RECK: variants seen among roughly 807,000 people sequenced by gnomAD.
The protein encoded by RECK is reversion inducing cysteine rich protein with kazal motifs.
In RECK, 69 loss-of-function variants were observed where a neutral mutation model predicts 115.1. That is an observed-to-expected ratio of 0.60 (90% confidence interval 0.49 to 0.73). RECK has a LOEUF of 0.73. RECK is among the 30% of genes least tolerant of loss of function. RECK has a pLI of 0.00. For missense variants in RECK, 1,047 were observed against 1,203.7 expected (o/e 0.87, Z 1.93); for synonymous variants, 414 against 419.7 (o/e 0.99, Z 0.17).
At chr9:36,072,693 G>A (rs759707409) in intron 6 of RECK, 8 of 152,192 alleles carry the variant, frequency 5.3e-5, no homozygotes, top group Non-Finnish European at 8.8e-5. Flanking sequence ...GATTTGAGCC[G>A]TTACCTGCAG....
intron 2 of RECK, among the ~76,000 whole-genome samples, chr9:36,053,645 G>A (rs1444959380): frequency 6.6e-6 from 1 of 152,030 alleles, no homozygotes; most frequent in African/African-American, 2.4e-5. Flanking sequence ...TGCTACTTTG[G>A]GAAACATGAC....
At chr9:36,067,057 C>A (rs1171834923) in intron 6 of RECK, among the ~76,000 whole-genome samples, 1 of 152,086 alleles carries the variant, frequency 6.6e-6, no homozygotes, top group Non-Finnish European at 1.5e-5. Context: ...AATTTGATTT[C>A]TTACATGTTA....
chr9:36,109,576 G>C (rs756296738), intron 14 of RECK, among the ~76,000 whole-genome samples: 2 of 152,238 alleles, frequency 1.3e-5, no homozygotes, highest in Non-Finnish European at 2.9e-5. Flanking sequence ...GGGCACAGTG[G>C]CTCATGCTTG....
intron 10 of RECK, among the ~76,000 whole-genome samples, 188 bp from the exon 11 acceptor site, chr9:36,100,143 A>G (rs1823506245): frequency 6.6e-6 from 1 of 152,222 alleles, no homozygotes; most frequent in South Asian, 2.1e-4. Flanking sequence ...AAAACATGCA[A>G]TCAGAGTTTA....
intron 13 of RECK, among the ~76,000 whole-genome samples, chr9:36,107,126 A>AG (rs1188888592): frequency 7.1e-6 from 1 of 141,556 alleles, no homozygotes; most frequent in Non-Finnish European, 1.5e-5. Flanking sequence ...AAAAAAAAAA[A>AG]GGAATTCAAT....
At position 36,065,643 on chromosome 9, in the gene RECK, A is replaced by C. The variant is rs747506065; in HGVS notation, c.405+19A>C. ...ATATGAGGTATGCATTTTATTTAAC[A>C]AATGTGGATAGCCTATTCAGATGTT... On this transcript the variant is annotated intron_variant, in intron 6 of 20. Transcript: ENST00000377966. 6.5e-7 allele frequency: 1 copy of C among 1,544,600 alleles called. No homozygotes were observed. Among genetic ancestry groups the C allele is most frequent in the Non-Finnish European group, 8.7e-7 (1 of 1,145,264 alleles).
intron 12 of RECK, among the ~76,000 whole-genome samples, chr9:36,104,317 T>TGC (rs1823700278): frequency 1.5e-5 from 1 of 67,782 alleles, no homozygotes; most frequent in East Asian, 4.7e-4. Context: ...TATATATATA[T>TGC]ATATATATAT....
intron 6 of RECK, among the ~76,000 whole-genome samples, chr9:36,073,977 T>C: frequency 6.6e-6 from 1 of 152,052 alleles, no homozygotes; most frequent in East Asian, 1.9e-4. Flanking sequence ...TGGGTGGAGG[T>C]ATTTGCAGCG....
At chr9:36,042,522 GCAAT>G in intron 1 of RECK, among the ~76,000 whole-genome samples, 1 of 150,176 alleles carries the variant, frequency 6.7e-6, no homozygotes, top group South Asian at 2.1e-4. Context: ...CCATATTTTT[GCAAT>G]TGCTAATTGT....
At chr9:36,054,308 A>G (rs1417250217) in intron 2 of RECK, among the ~76,000 whole-genome samples, 1 of 152,180 alleles carries the variant, frequency 6.6e-6, no homozygotes, top group South Asian at 2.1e-4. Context: ...TTGAATTATC[A>G]GTGAAAACCA....
At chr9:36,118,650 C>G in intron 17 of RECK, 107 bp from the exon 18 acceptor site, 3 of 1,056,246 alleles carry the variant, frequency 2.8e-6, no homozygotes, top group Non-Finnish European at 4.1e-6. Flanking sequence ...TAATTTATAC[C>G]TGTGTCTTTT....
chr9:36,074,614 T>G (rs892468519), intron 6 of RECK, among the ~76,000 whole-genome samples: 8 of 152,200 alleles, frequency 5.3e-5, no homozygotes, highest in Admixed American at 4.6e-4. Context: ...AGTACTTTTA[T>G]AGATAGAAAA....
Position 36,122,985 on chromosome 9 carries a change from C to T in RECK, c.2856C>T (p.His952=), listed in dbSNP as rs1157733146. The T allele has an allele frequency of 1.2e-6, 2 of 1,614,140 alleles. No individual in the cohort carries two copies. Among genetic ancestry groups the T allele is most frequent in the Non-Finnish European group, 8.5e-7 (1 of 1,180,018 alleles). The change falls in exon 21 of 21, where the codon CAC becomes CAT. Residue 952 remains histidine (H), a synonymous_variant. Transcript: ENST00000377966. Reference sequence around the variant, plus strand: ...GTGTCAGGGCCAGGCCTTCTTGCCACTCCCTCCTCCTTCCCCTCAGCTTGG... The same window carrying T: ...GTGTCAGGGCCAGGCCTTCTTGCCATTCCCTCCTCCTTCCCCTCAGCTTGG... ...SAGVRARPSC[H]SLLLPLSLGL...
At chr9:36,062,822 A>G (rs567487821) in intron 4 of RECK, among the ~76,000 whole-genome samples, 1 of 152,210 alleles carries the variant, frequency 6.6e-6, no homozygotes, top group Admixed American at 6.5e-5. Context: ...GACATTTATG[A>G]TTGCAAAAGG....
At position 36,110,029 on chromosome 9, in the gene RECK, G is replaced by C. The variant is rs772507584; in HGVS notation, c.1838G>C (p.Arg613Pro). 4 of 1,613,782 alleles carry C rather than the reference G, an allele frequency of 2.5e-6. No individual in the cohort carries two copies. The highest frequency in any genetic ancestry group is 1.1e-5 in the South Asian group (1 of 91,074). The change falls in exon 15 of 21, where the codon CGC (arginine) becomes CCC (proline). Residue 613 changes from arginine to proline, a missense_variant. Transcript: ENST00000377966. Reference sequence around the variant, plus strand: ...GCTGGCAATTTGGTGTGCTCTACCCGCCTTTGCCTCAGTGAGCACAGTTCA... The same window carrying C: ...GCTGGCAATTTGGTGTGCTCTACCCCCCTTTGCCTCAGTGAGCACAGTTCA... ...CFAGNLVCSTRLCLSEHSSED... is the reference protein window; with the variant it reads ...CFAGNLVCSTPLCLSEHSSED...
At chr9:36,064,126 ATAT>A (rs1457707306) in intron 5 of RECK, among the ~76,000 whole-genome samples, 1 of 152,188 alleles carries the variant, frequency 6.6e-6, no homozygotes, top group East Asian at 1.9e-4. Context: ...GCAAAAAAGA[ATAT>A]TATAGGAATT....
chr9:36,109,830 T>C lies in RECK; in HGVS notation c.1766-127T>C, dbSNP rs1001948520. On this transcript the variant is annotated intron_variant, in intron 14 of 20. Coordinates refer to ENST00000377966, the MANE Select transcript of RECK (RefSeq NM_021111.3). The stretch of plus-strand genomic sequence containing the variant: ...GTGCACTCCAGCCTGGGCGATAGAA[T>C]GAGACCCTTCTCAAAAAAAAAAAAA... The C allele has an allele frequency of 3.0e-5, 28 of 939,974 alleles. 1 individual carries two copies. The highest frequency in any genetic ancestry group is 4.4e-5 in the Non-Finnish European group (27 of 620,516). The allele number at this position is 939,974 out of a possible 1,614,324, so 58.2% of individuals were successfully genotyped here. A position where few individuals can be genotyped will look rare whatever the true frequency, so the allele number is the denominator to read the frequency against.
chr9:36,089,277 G>A (rs945544575), intron 9 of RECK, among the ~76,000 whole-genome samples: 3 of 152,248 alleles, frequency 2.0e-5, no homozygotes, highest in African/African-American at 4.8e-5. Flanking sequence ...GGTTGGAATG[G>A]CCGTGTTGTC....
intron 4 of RECK, among the ~76,000 whole-genome samples, 176 bp from the exon 5 acceptor site, chr9:36,063,619 A>G (rs1451048518): frequency 6.6e-6 from 1 of 152,204 alleles, no homozygotes; most frequent in Non-Finnish European, 1.5e-5. Flanking sequence ...AAAGAGACTG[A>G]TAGCAGTGGA....
Sources: allele counts gnomAD v4.1 joint callset (sites outside exome capture counted in the v4.1 genomes callset), GRCh38; gene constraint gnomAD v4.1.1; transcripts MANE v1.5; gene names NCBI Gene and HGNC (gene_info 2026-07-23, HGNC 2026-07-21).